DLG2: variants seen among roughly 807,000 people sequenced by gnomAD.
DLG2 encodes the protein discs large MAGUK scaffold protein 2.
DLG2 carries 45 observed loss-of-function variants against 132.5 expected under a neutral mutation model. The ratio of observed to expected loss-of-function variants is 0.34; its 90% CI spans 0.27 to 0.44. DLG2 has a LOEUF of 0.44. DLG2 is among the 20% of genes least tolerant of loss of function. The pLI, the probability that DLG2 is intolerant of heterozygous loss-of-function variation, is 1.00. For missense variants in DLG2, 1,045 were observed against 1,196.9 expected (o/e 0.87, Z 1.87); for synonymous variants, 424 against 419.6 (o/e 1.01, Z -0.13).
intron 6 of DLG2, among the ~76,000 whole-genome samples, chr11:84,537,307 A>G (rs776362896): frequency 3.3e-5 from 5 of 151,962 alleles, no homozygotes; most frequent in African/African-American, 4.8e-5. Flanking sequence ...GGGTTTCACC[A>G]TCTTAGCCAG....
intron 6 of DLG2, among the ~76,000 whole-genome samples, chr11:84,950,110 G>A (rs2050731944): frequency 6.6e-6 from 1 of 152,136 alleles, no homozygotes; most frequent in Non-Finnish European, 1.5e-5. Flanking sequence ...AATATATTCT[G>A]ATTATTTACA....
chr11:84,078,775 C>T (rs545362890), intron 10 of DLG2, among the ~76,000 whole-genome samples: 2 of 152,274 alleles, frequency 1.3e-5, no homozygotes, highest in Admixed American at 6.5e-5. Context: ...TTATTCCATA[C>T]TTTTTCAAGG....
intron 8 of DLG2, among the ~76,000 whole-genome samples, chr11:84,210,681 C>A (rs139895843): frequency 1.3e-5 from 2 of 152,148 alleles, no homozygotes; most frequent in East Asian, 3.9e-4. Context: ...GGAACAAGTT[C>A]TTGATACAAA....
chr11:84,345,628 G>GTTTCT (rs888073332), intron 7 of DLG2, among the ~76,000 whole-genome samples: 3 of 152,130 alleles, frequency 2.0e-5, no homozygotes, highest in African/African-American at 4.8e-5. Flanking sequence ...CACAATCTAT[G>GTTTCT]TTTCTTTTCT....
chr11:85,483,630 G>A (rs2093350669), intron 3 of DLG2, among the ~76,000 whole-genome samples: 2 of 152,154 alleles, frequency 1.3e-5, no homozygotes, highest in Non-Finnish European at 2.9e-5. Flanking sequence ...ACTTTAGTAT[G>A]AAGGTTAAAA....
chr11:83,962,592 C>G (rs1032760715), intron 14 of DLG2, among the ~76,000 whole-genome samples: 2 of 152,058 alleles, frequency 1.3e-5, no homozygotes, highest in East Asian at 1.9e-4. Flanking sequence ...AGTATTAATA[C>G]TTACCTTACA....
intron 13 of DLG2, among the ~76,000 whole-genome samples, 166 bp from the exon 14 acceptor site, chr11:83,963,189 T>A (rs1199890935): frequency 6.6e-6 from 1 of 152,028 alleles, no homozygotes; most frequent in Non-Finnish European, 1.5e-5. Context: ...ATTTAATATA[T>A]ACAAGCACAT....
At chr11:83,825,110 CATATATATACACAT>C (rs1464850241) in intron 17 of DLG2, among the ~76,000 whole-genome samples, 4 of 135,332 alleles carry the variant, frequency 3.0e-5, no homozygotes, top group Admixed American at 1.6e-4. Context: ...TATATATAGA[CATATATATACACAT>C]ATATATATAC....
Position 85,111,712 on chromosome 11 carries a change from G to T in DLG2, c.306C>A (p.Ala102=). The T allele has an allele frequency of 1.9e-6, 3 of 1,561,392 alleles. No individual in the cohort carries two copies. The highest frequency in any genetic ancestry group is 2.6e-6 in the Non-Finnish European group (3 of 1,152,174). Residue 102 remains alanine (A), a synonymous_variant, in exon 6 of 28, where the codon GCC becomes GCA. Coordinates refer to ENST00000376104, the MANE Select transcript of DLG2 (RefSeq NM_001142699.3). ...TTTQNQGRCP[A]QNCSVEAPAW... Reference sequence around the variant, plus strand: ...CAGGGGCTTCCACTGAACAATTCTGGGCTGGGCATCTGCCTTGGTTTTGCT... The same window carrying T: ...CAGGGGCTTCCACTGAACAATTCTGTGCTGGGCATCTGCCTTGGTTTTGCT...
At position 83,560,769 on chromosome 11, in the gene DLG2, A is replaced by G. The variant is rs1002419913; in HGVS notation, c.1941-18911T>C. On this transcript the variant is annotated intron_variant, in intron 19 of 27. Transcript: ENST00000376104. The stretch of plus-strand genomic sequence containing the variant: ...CAGGGAAGGTAAAGTCAAGAGGGGG[A>G]AAAAACTATTTCCCACCAATAAAAC... Among the ~76,000 whole-genome samples, 8 of 152,148 alleles carry G rather than the reference A, an allele frequency of 5.3e-5. 1 individual carries two copies. Among genetic ancestry groups the G allele is most frequent in the Non-Finnish European group, 8.8e-5 (6 of 67,998 alleles).
Position 83,949,916 on chromosome 11 carries a change from G to C in DLG2, c.1340+12969C>G, listed in dbSNP as rs1020447635. Among the ~76,000 whole-genome samples, 4 of 152,214 alleles carry C rather than the reference G, an allele frequency of 2.6e-5. No individual in the cohort carries two copies. In the East Asian group the frequency reaches 7.7e-4, roughly 29 times the overall value. On this transcript the variant is annotated intron_variant, in intron 14 of 27. Coordinates refer to ENST00000376104, the MANE Select transcript of DLG2 (RefSeq NM_001142699.3). ...CAATAATGGACCTTTAAAAACAACT[G>C]GGATTAATCACCATAAGTTTTATAA...
chr11:85,042,896 C>G lies in DLG2; in HGVS notation c.357+68765G>C, dbSNP rs143614736. 5.2e-3 allele frequency among the ~76,000 whole-genome samples: 792 copies of G among 151,926 alleles called. 4 individuals carry two copies. Among genetic ancestry groups the G allele is most frequent in the African/African-American group, 0.017 (723 of 41,508 alleles). On this transcript the variant is annotated intron_variant, in intron 6 of 27. Transcript: ENST00000376104. ...AAAATAAAGGAGGAAAATAACCAAT[C>G]AGAGTCTCACTGCAAAATTATATTT...
intron 6 of DLG2, among the ~76,000 whole-genome samples, chr11:84,968,706 G>A (rs2053650162): frequency 6.6e-6 from 1 of 152,088 alleles, no homozygotes; most frequent in African/African-American, 2.4e-5. Flanking sequence ...ATTTCTCAGT[G>A]CAAGTCAGCA....
intron 6 of DLG2, among the ~76,000 whole-genome samples, chr11:84,881,605 GCCT>G: frequency 6.6e-6 from 1 of 152,210 alleles, no homozygotes; most frequent in Middle Eastern, 3.4e-3. Flanking sequence ...ATTACCCCTG[GCCT>G]CCTCTCACTA....
intron 6 of DLG2, among the ~76,000 whole-genome samples, chr11:84,746,074 A>C (rs972572870): frequency 6.6e-6 from 1 of 152,050 alleles, no homozygotes; most frequent in Non-Finnish European, 1.5e-5. Context: ...TATTGTTTCT[A>C]CTCTCAGGGA....
At chr11:84,088,135 A>G (rs1043985753) in intron 10 of DLG2, among the ~76,000 whole-genome samples, 1 of 152,096 alleles carries the variant, frequency 6.6e-6, no homozygotes, top group Non-Finnish European at 1.5e-5. Context: ...TAATTGACGA[A>G]CTCCAAGTTA....
intron 17 of DLG2, among the ~76,000 whole-genome samples, chr11:83,812,230 T>G (rs2047490512): frequency 6.6e-6 from 1 of 152,140 alleles, no homozygotes; most frequent in Non-Finnish European, 1.5e-5. Flanking sequence ...AGAACTGTTA[T>G]TTCCTCTATC....
intron 9 of DLG2, among the ~76,000 whole-genome samples, chr11:84,140,921 C>T (rs1311808984): frequency 6.6e-6 from 1 of 152,104 alleles, no homozygotes; most frequent in Non-Finnish European, 1.5e-5. Context: ...GACAGATTAA[C>T]CAGCTCTGCC....
intron 6 of DLG2, among the ~76,000 whole-genome samples, chr11:84,969,242 C>T (rs1238611352): frequency 1.3e-5 from 2 of 152,150 alleles, no homozygotes; most frequent in Middle Eastern, 3.2e-3. Context: ...GCCTTTGCTG[C>T]TCAGCCTCTG....
Sources: gnomAD v4.1 joint callset for allele counts (sites outside exome capture counted in the v4.1 genomes callset) on GRCh38, gnomAD v4.1.1 for gene constraint, MANE v1.5 for transcripts, NCBI Gene and HGNC (gene_info 2026-07-23, HGNC 2026-07-21) for gene names.